SORCS2: variants seen among roughly 807,000 people sequenced by gnomAD.
SORCS2 encodes VPS10 domain-containing receptor SorCS2.
Under a neutral mutation model 141.6 loss-of-function variants are expected in SORCS2, and 100 were observed. The ratio of observed to expected loss-of-function variants is 0.71; its 90% CI spans 0.60 to 0.83. The LOEUF (loss-of-function observed/expected upper bound fraction) is 0.83, where lower values mean the gene tolerates loss of function less well. Ranked by LOEUF, SORCS2 falls within the 40% of genes least tolerant of loss-of-function variation. The pLI, the probability that SORCS2 is intolerant of heterozygous loss-of-function variation, is 0.00. For missense variants in SORCS2, 1,646 were observed against 1,560.2 expected, an observed-to-expected ratio of 1.05 and a Z score of -0.93; for synonymous variants, 789 against 676.9, an observed-to-expected ratio of 1.17 and a Z score of -2.57.
intron 3 of SORCS2, among the ~76,000 whole-genome samples, chr4:7,610,894 C>A (rs976543138): frequency 2.6e-5 from 4 of 152,098 alleles, no homozygotes; most frequent in South Asian, 4.1e-4. Context: ...AGGGGCTCCC[C>A]GTGATGGGCA....
At chr4:7,238,104 C>G (rs1056946534) in intron 1 of SORCS2, among the ~76,000 whole-genome samples, 5 of 152,144 alleles carry the variant, frequency 3.3e-5, no homozygotes, top group African/African-American at 1.2e-4. Flanking sequence ...TTCTATTTGA[C>G]TCATGGTGGG....
At chr4:7,502,009 G>A (rs188145486) in intron 2 of SORCS2, among the ~76,000 whole-genome samples, 19 of 152,258 alleles carry the variant, frequency 1.2e-4, no homozygotes, top group Admixed American at 2.0e-4. Context: ...TCGTGGTCCC[G>A]CCCCTACAGT....
chr4:7,521,591 G>A (rs1204782186), intron 2 of SORCS2, among the ~76,000 whole-genome samples: 2 of 152,210 alleles, frequency 1.3e-5, no homozygotes, highest in Admixed American at 6.5e-5. Context: ...ACAGCGGTCT[G>A]TGTGTCTTCT....
At chr4:7,580,486 A>G (rs1377992027) in intron 3 of SORCS2, among the ~76,000 whole-genome samples, 2 of 147,964 alleles carry the variant, frequency 1.4e-5, no homozygotes, top group South Asian at 4.3e-4. Context: ...CAAGACTCAG[A>G]AAAAAAAAAA....
At chr4:7,241,196 C>T (rs569165962) in intron 1 of SORCS2, among the ~76,000 whole-genome samples, 1 of 152,308 alleles carries the variant, frequency 6.6e-6, no homozygotes, top group South Asian at 2.1e-4. Flanking sequence ...GCCTTGGCCT[C>T]CCAAAGTGCT....
chr4:7,334,009 G>C (rs554990609), intron 1 of SORCS2, among the ~76,000 whole-genome samples: 1 of 152,108 alleles, frequency 6.6e-6, no homozygotes, highest in Non-Finnish European at 1.5e-5. Context: ...TGCCAGAGCC[G>C]ACTGGGACCT....
At chr4:7,251,469 A>G (rs147541553) in intron 1 of SORCS2, among the ~76,000 whole-genome samples, 1 of 152,352 alleles carries the variant, frequency 6.6e-6, no homozygotes, top group East Asian at 1.9e-4. Flanking sequence ...AGGAGGGCTC[A>G]CTGTAAGCCG....
intron 3 of SORCS2, among the ~76,000 whole-genome samples, chr4:7,544,619 T>A (rs1342454054): frequency 6.6e-6 from 1 of 152,236 alleles, no homozygotes; most frequent in Non-Finnish European, 1.5e-5. Flanking sequence ...CTGGTCTCTT[T>A]CCTGGCTCCA....
At chr4:7,422,997 T>G (rs909494405) in intron 2 of SORCS2, among the ~76,000 whole-genome samples, 2 of 19,888 alleles carry the variant, frequency 1.0e-4, no homozygotes, top group East Asian at 1.6e-3. Context: ...ACCCCTCCCC[T>G]ACCCCCCACC....
At chr4:7,301,095 C>T (rs1717399502) in intron 1 of SORCS2, among the ~76,000 whole-genome samples, 1 of 152,120 alleles carries the variant, frequency 6.6e-6, no homozygotes, top group Non-Finnish European at 1.5e-5. Context: ...TTTCCTCGGC[C>T]CAGCCCTGGC....
intron 12 of SORCS2, among the ~76,000 whole-genome samples, chr4:7,700,138 C>G (rs1223184474): frequency 6.6e-6 from 1 of 152,262 alleles, no homozygotes; most frequent in African/African-American, 2.4e-5. Context: ...TGTCTCCAGC[C>G]TGTGATGCCC....
At chr4:7,428,495 T>G (rs1726605855) in intron 2 of SORCS2, among the ~76,000 whole-genome samples, 1 of 151,876 alleles carries the variant, frequency 6.6e-6, no homozygotes, top group South Asian at 2.1e-4. Flanking sequence ...TAGAGTCAGT[T>G]ATGGGGCCGA....
At chr4:7,577,166 A>G (rs1422613308) in intron 3 of SORCS2, among the ~76,000 whole-genome samples, 2 of 152,164 alleles carry the variant, frequency 1.3e-5, no homozygotes, top group Non-Finnish European at 1.5e-5. Context: ...GTGGGTCCAC[A>G]TAAGGGAGTG....
In SORCS2 at chr4:7,458,961, C is replaced by T. The variant is rs1489450986; in HGVS notation, c.548+62606C>T. On this transcript the variant is annotated intron_variant, in intron 2 of 26. Coordinates refer to ENST00000507866, the MANE Select transcript of SORCS2 (RefSeq NM_020777.3). ...TTCTCTGCTGGCTGCGGGGACTGGG[C>T]TTGGGCCTGGTGGAGTGTGGGGGCC... Among the ~76,000 whole-genome samples, 14 of 152,218 alleles carry T rather than the reference C, an allele frequency of 9.2e-5. No individual in the cohort carries two copies. The East Asian group carries it at 2.3e-3, about 25-fold the overall frequency.
chr4:7,235,890 C>T (rs1712233474), intron 1 of SORCS2, among the ~76,000 whole-genome samples: 1 of 152,182 alleles, frequency 6.6e-6, no homozygotes, highest in South Asian at 2.1e-4. Flanking sequence ...TCCATTTAGA[C>T]AGGTGTGAGC....
intron 3 of SORCS2, among the ~76,000 whole-genome samples, chr4:7,635,656 T>A (rs1004670791): frequency 2.0e-5 from 3 of 152,242 alleles, no homozygotes; most frequent in Non-Finnish European, 2.9e-5. Context: ...CGTTAGCTGT[T>A]CTTTGCCAAC....
At chr4:7,613,897 T>C (rs62277506) in intron 3 of SORCS2, among the ~76,000 whole-genome samples, 44,476 of 151,832 alleles carry the variant, frequency 0.29, 6,876 homozygotes, top group African/African-American at 0.38. Flanking sequence ...ACCATCCATC[T>C]ATCCACCTAT....
chr4:7,262,335 TATCCATCCATCC>T (rs111342775), intron 1 of SORCS2, among the ~76,000 whole-genome samples: 3 of 144,770 alleles, frequency 2.1e-5, no homozygotes, highest in Admixed American at 6.8e-5. Flanking sequence ...TCCATCCATC[TATCCATCCATCC>T]ATCCATCCAT....
At chr4:7,258,048 G>T (rs1268285082) in intron 1 of SORCS2, among the ~76,000 whole-genome samples, 4 of 152,240 alleles carry the variant, frequency 2.6e-5, no homozygotes, top group Non-Finnish European at 5.9e-5. Flanking sequence ...AGTGTTGGGG[G>T]AGTGGTGGCT....
Sources: gnomAD v4.1 joint callset for allele counts (sites outside exome capture counted in the v4.1 genomes callset) on GRCh38, gnomAD v4.1.1 for gene constraint, MANE v1.5 for transcripts, NCBI Gene and HGNC (gene_info 2026-07-23, HGNC 2026-07-21) for gene names.